Variants in MAGI1 observed in about 807,000 individuals in gnomAD.
MAGI1 encodes membrane-associated guanylate kinase, WW and PDZ domain-containing protein 1.
In MAGI1, 58 loss-of-function variants were observed where a neutral mutation model predicts 139.9. The observed-to-expected ratio is 0.41, with a 90% CI of 0.34 to 0.52. The LOEUF is 0.52. MAGI1 is among the 20% of genes least tolerant of loss of function. The pLI is 0.12. For synonymous variants in MAGI1, 812 were observed against 737.9 expected (o/e 1.10, Z -1.63); for missense variants, 1,874 against 1,901.6 (o/e 0.99, Z 0.27).
chr3:65,514,711 G>A (rs2077773529), intron 2 of MAGI1, among the ~76,000 whole-genome samples: 1 of 145,886 alleles, frequency 6.9e-6, no homozygotes, highest in Non-Finnish European at 1.5e-5. Flanking sequence ...ACTGTTGGTG[G>A]GACTGTAAAC....
chr3:65,405,602 CT>C (rs68024359), intron 12 of MAGI1, among the ~76,000 whole-genome samples: 45,572 of 148,448 alleles, frequency 0.31, 7,682 homozygotes, highest in South Asian at 0.46. Context: ...TATACTGCTT[CT>C]TTTTTTTTTT....
intron 1 of MAGI1, among the ~76,000 whole-genome samples, chr3:65,834,337 CA>C (rs1366522817): frequency 2.0e-5 from 3 of 152,100 alleles, no homozygotes; most frequent in South Asian, 4.1e-4. Context: ...AAACCTCAAA[CA>C]GTGTGAATGA....
intron 1 of MAGI1, among the ~76,000 whole-genome samples, chr3:65,731,600 A>T (rs1186522973): frequency 6.7e-6 from 1 of 150,366 alleles, no homozygotes; most frequent in Non-Finnish European, 1.5e-5. Flanking sequence ...GGCTGCAGTG[A>T]GCTGTGATTG....
At chr3:65,736,743 C>T (rs2034772571) in intron 1 of MAGI1, among the ~76,000 whole-genome samples, 1 of 152,208 alleles carries the variant, frequency 6.6e-6, no homozygotes, top group Non-Finnish European at 1.5e-5. Context: ...GGATGATGCC[C>T]ATCCACATTG....
chr3:65,621,610 G>A (rs1465239569), intron 2 of MAGI1, among the ~76,000 whole-genome samples: 4 of 152,120 alleles, frequency 2.6e-5, no homozygotes, highest in African/African-American at 9.7e-5. Context: ...AACAGCAAAT[G>A]TTAACATTTA....
At chr3:65,617,446 G>A (rs78013014) in intron 2 of MAGI1, among the ~76,000 whole-genome samples, 41 of 152,240 alleles carry the variant, frequency 2.7e-4, no homozygotes, top group Non-Finnish European at 5.1e-4. Context: ...TGGGAAAAGC[G>A]GCCATTCCAA....
intron 1 of MAGI1, among the ~76,000 whole-genome samples, chr3:65,865,281 C>G (rs1351536884): frequency 6.6e-6 from 1 of 152,126 alleles, no homozygotes; most frequent in Admixed American, 6.5e-5. Flanking sequence ...TCAGAAAAAT[C>G]CTAAACGGCA....
chr3:65,934,843 C>T (rs2062973498), intron 1 of MAGI1, among the ~76,000 whole-genome samples: 1 of 149,508 alleles, frequency 6.7e-6, no homozygotes, highest in South Asian at 2.2e-4. Context: ...TGTGAGCAAA[C>T]ATCAATAAGT....
chr3:65,997,965 C>A (rs2066542782), intron 1 of MAGI1, among the ~76,000 whole-genome samples: 1 of 151,566 alleles, frequency 6.6e-6, no homozygotes, highest in Non-Finnish European at 1.5e-5. Context: ...TCAAGACCAG[C>A]CTGACCAACA....
chr3:65,501,592 A>G (rs770820739), intron 2 of MAGI1, among the ~76,000 whole-genome samples: 3 of 152,300 alleles, frequency 2.0e-5, no homozygotes, highest in Non-Finnish European at 4.4e-5. Flanking sequence ...TAGTACTCAC[A>G]TGCCTTATTG....
chr3:65,676,750 T>C (rs1205235635), intron 1 of MAGI1, among the ~76,000 whole-genome samples: 1 of 152,242 alleles, frequency 6.6e-6, no homozygotes, highest in Non-Finnish European at 1.5e-5. Context: ...CCAATCCTTT[T>C]GTTCTTTTCT....
In MAGI1 at chr3:65,375,846, G is replaced by T. The variant is rs745555624; in HGVS notation, c.3095C>A (p.Ala1032Glu). ...GKLKVGDRIL[A>E]VNGCSITNKS... ...GTTGGTGATGGAACATCCATTTACT[G>T]CCAAGATCCGGTCTCCTACTTTCAG... The change falls in exon 18 of 23, where the codon GCA (alanine) becomes GAA (glutamate). Residue 1032 changes from alanine to glutamate, a missense_variant. By Grantham distance (107) the Ala-to-Glu change is moderately radical (BLOSUM62 -1). Around this residue, in one of 5 missense-constraint regions of MAGI1, gnomAD observed 653 missense variants for 644.5 expected, o/e 1.01. Transcript: ENST00000402939. 1 of 1,614,032 alleles carries T rather than the reference G, an allele frequency of 6.2e-7. No individual in the cohort carries two copies. The highest frequency in any genetic ancestry group is 1.1e-5 in the South Asian group (1 of 91,076).
At chr3:65,820,192 G>C (rs1425406329) in intron 1 of MAGI1, among the ~76,000 whole-genome samples, 1 of 152,126 alleles carries the variant, frequency 6.6e-6, no homozygotes, top group Admixed American at 6.5e-5. Context: ...ACACTTGTAG[G>C]CAGTGTTATT....
chr3:65,601,067 C>T (rs572936236), intron 2 of MAGI1, among the ~76,000 whole-genome samples: 2 of 152,222 alleles, frequency 1.3e-5, no homozygotes, highest in African/African-American at 2.4e-5. Flanking sequence ...TCTGAGTTCC[C>T]GGCACAGAGA....
At chr3:65,916,366 C>T (rs578050290) in intron 1 of MAGI1, among the ~76,000 whole-genome samples, 1 of 152,120 alleles carries the variant, frequency 6.6e-6, no homozygotes, top group African/African-American at 2.4e-5. Context: ...AAAGACATAC[C>T]CAAGACTGGA....
intron 2 of MAGI1, among the ~76,000 whole-genome samples, chr3:65,567,758 C>A (rs2080740081): frequency 6.6e-6 from 1 of 152,086 alleles, no homozygotes; most frequent in Admixed American, 6.6e-5. Flanking sequence ...ATCACTTGAA[C>A]CTGGGAGGTA....
At chr3:65,484,034 C>G (rs1951461178) in intron 3 of MAGI1, among the ~76,000 whole-genome samples, 1 of 152,124 alleles carries the variant, frequency 6.6e-6, no homozygotes, top group South Asian at 2.1e-4. Context: ...TTTTTAATGC[C>G]AGGCATGGGA....
chr3:65,587,394 G>C (rs2081734660), intron 2 of MAGI1, among the ~76,000 whole-genome samples: 1 of 151,512 alleles, frequency 6.6e-6, no homozygotes, highest in South Asian at 2.1e-4. Context: ...GTAAAAAACA[G>C]AACAGTTGTG....
At chr3:65,793,842 T>C (rs1016896227) in intron 1 of MAGI1, among the ~76,000 whole-genome samples, 1 of 152,206 alleles carries the variant, frequency 6.6e-6, no homozygotes, top group African/African-American at 2.4e-5. Context: ...TGCACCAACA[T>C]CATATAGACA....
Sources: allele counts gnomAD v4.1 joint callset (sites outside exome capture counted in the v4.1 genomes callset), GRCh38; gene constraint gnomAD v4.1.1; regional missense constraint gnomAD v4.1.1; transcripts MANE v1.5; gene names NCBI Gene and HGNC (gene_info 2026-07-23, HGNC 2026-07-21).